Variants in XIRP2 observed in about 807,000 individuals in gnomAD.
XIRP2 encodes the protein xin actin binding repeat containing 2.
XIRP2 carries 236 observed loss-of-function variants against 277.0 expected under a neutral mutation model. The observed-to-expected ratio is 0.85, with a 90% CI of 0.77 to 0.95. The LOEUF (loss-of-function observed/expected upper bound fraction) is 0.95. Ranked by LOEUF, XIRP2 falls within the 40% of genes least tolerant of loss-of-function variation. The probability of loss-of-function intolerance (pLI) is 0.00; values close to 1 mark genes in which losing one functional copy is unlikely to be tolerated. For missense variants in XIRP2, 4,640 were observed against 4,157.5 expected (o/e 1.12, Z -3.19); for synonymous variants, 1,490 against 1,416.5 (o/e 1.05, Z -1.17).
At chr2:167,178,399 A>G (rs1394722788) in intron 3 of XIRP2, among the ~76,000 whole-genome samples, 1 of 152,150 alleles carries the variant, frequency 6.6e-6, no homozygotes, top group Non-Finnish European at 1.5e-5. Context: ...TTTGAAATGA[A>G]GTATAATGTG....
At chr2:167,122,243 A>G (rs1248154304) in intron 2 of XIRP2, among the ~76,000 whole-genome samples, 1 of 152,198 alleles carries the variant, frequency 6.6e-6, no homozygotes, top group African/African-American at 2.4e-5. Flanking sequence ...AATGTTGGAC[A>G]TACGAGTTTT....
At chr2:167,214,130 GAAGGAAGC>G (rs1466575375) in intron 4 of XIRP2, among the ~76,000 whole-genome samples, 6 of 112,782 alleles carry the variant, frequency 5.3e-5, no homozygotes, top group Admixed American at 2.5e-4. Context: ...AGGAAGGAAG[GAAGGAAGC>G]AAAGAGAAAG....
chr2:167,200,891 C>A (rs1345004168), intron 3 of XIRP2, among the ~76,000 whole-genome samples: 2 of 151,626 alleles, frequency 1.3e-5, no homozygotes, highest in Non-Finnish European at 2.9e-5. Flanking sequence ...ATGGGGAGGC[C>A]AAGGCAGCTG....
At chr2:167,141,054 G>A (rs1365669547) in intron 3 of XIRP2, 3 of 152,158 alleles carry the variant, frequency 2.0e-5, no homozygotes, top group South Asian at 2.1e-4. Flanking sequence ...CAAAATCCCA[G>A]GAACTCATTT....
intron 2 of XIRP2, among the ~76,000 whole-genome samples, chr2:167,077,690 C>G (rs1331106898): frequency 6.6e-6 from 1 of 152,102 alleles, no homozygotes; most frequent in Non-Finnish European, 1.5e-5. Context: ...TACAGAACAG[C>G]AAGTGCTAAG....
rs181960405 is a variant in XIRP2 at position 167,221,005 on chromosome 2, C to T, written c.858+2705C>T. ...CTTCTCTAAACTTCAGTTTCATTAT[C>T]TACTTTTAGATAATGTTAATAATAT... On this transcript the variant is annotated intron_variant, in intron 5 of 10. Coordinates refer to ENST00000409195, the MANE Select transcript of XIRP2 (RefSeq NM_152381.6). Among the ~76,000 whole-genome samples the T allele has an allele frequency of 4.7e-3, 714 of 152,266 alleles. 4 individuals are homozygous for T. Among genetic ancestry groups the T allele is most frequent in the South Asian group, 0.013 (64 of 4,830 alleles).
intron 2 of XIRP2, among the ~76,000 whole-genome samples, chr2:166,986,102 C>A (rs749610945): frequency 3.3e-5 from 5 of 152,174 alleles, no homozygotes; most frequent in Non-Finnish European, 5.9e-5. Flanking sequence ...TTCTCTACCT[C>A]TGACAGAGGA....
intron 5 of XIRP2, among the ~76,000 whole-genome samples, chr2:167,234,981 TTGTTTAGCATCATGAATA>T (rs2105422516): frequency 6.6e-6 from 1 of 151,968 alleles, no homozygotes; most frequent in East Asian, 1.9e-4. Flanking sequence ...AGAAACGAGT[TTGTTTAGCATCATGAATA>T]TCTTTTTCTT....
Position 167,242,634 on chromosome 2 carries a change from C to A in XIRP2, c.1242C>A (p.Cys414Ter). 6.2e-7 allele frequency: 1 copy of A among 1,614,014 alleles called. No homozygotes were observed. Among genetic ancestry groups the A allele is most frequent in the Non-Finnish European group, 8.5e-7 (1 of 1,179,954 alleles). The change falls in exon 9 of 11, where the codon TGC becomes TGA. Residue 414 changes from cysteine (C) to a stop codon, truncating the protein, a stop_gained. Transcript: ENST00000409195. LOFTEE classifies it high-confidence loss of function. Reference protein sequence around the residue: ...SSVVSTSSTSCVSTSQRKETS... With the variant: ...SSVVSTSSTS The stretch of plus-strand genomic sequence containing the variant: ...TTGTGAGTACCTCTTCCACTTCTTG[C>A]GTTTCAACCAGCCAGAGGAAGGAAA...
Position 167,246,783 on chromosome 2 carries a change from T to C in XIRP2, c.5391T>C (p.Ser1797=), listed in dbSNP as rs1016127102. The C allele has an allele frequency of 3.1e-6, 5 of 1,613,884 alleles. No homozygotes were observed. The highest frequency in any genetic ancestry group is 4.2e-6 in the Non-Finnish European group (5 of 1,179,844). Residue 1797 remains serine (S), a synonymous_variant, in exon 9 of 11, where the codon TCT becomes TCC. Transcript: ENST00000409195. ...GTKLLLKKRQ[S]LVERTVSETD... The stretch of plus-strand genomic sequence containing the variant: ...AACTGTTACTGAAGAAAAGGCAGTC[T>C]CTGGTTGAACGTACTGTTAGTGAAA...
chr2:166,905,993 T>A (rs1305348625), intron 2 of XIRP2, among the ~76,000 whole-genome samples: 1 of 152,028 alleles, frequency 6.6e-6, no homozygotes, highest in African/African-American at 2.4e-5. Flanking sequence ...TGCTTCATTA[T>A]AAAGTCATGA....
intron 3 of XIRP2, among the ~76,000 whole-genome samples, chr2:167,164,981 C>T (rs7606695): frequency 0.099 from 15,048 of 152,070 alleles, 798 homozygotes; most frequent in South Asian, 0.16. Flanking sequence ...TCTTTATATC[C>T]TGCCTGTTTA....
intron 3 of XIRP2, among the ~76,000 whole-genome samples, chr2:167,165,288 T>A (rs888859181): frequency 6.6e-6 from 1 of 152,242 alleles, no homozygotes; most frequent in Non-Finnish European, 1.5e-5. Flanking sequence ...GGCAATCATA[T>A]GTAAACCTGC....
chr2:167,246,879 T>A lies in XIRP2; in HGVS notation c.5487T>A (p.Gly1829=). The change falls in exon 9 of 11, where the codon GGT becomes GGA. Residue 1829 remains glycine (G), a synonymous_variant. Transcript: ENST00000409195. ...VFMTEPQSTF[G]KIPKEEIIKG... Reference sequence around the variant, plus strand: ...TGACCGAGCCTCAGAGTACATTTGGTAAGATACCCAAAGAAGAGATTATAA... The same window carrying A: ...TGACCGAGCCTCAGAGTACATTTGGAAAGATACCCAAAGAAGAGATTATAA... 6.2e-7 allele frequency: 1 copy of A among 1,613,582 alleles called. No individual in the cohort carries two copies. The highest frequency in any genetic ancestry group is 1.1e-5 in the South Asian group (1 of 91,060).
chr2:167,138,244 TATAAA>T (rs1368714807), intron 3 of XIRP2, among the ~76,000 whole-genome samples: 4 of 152,334 alleles, frequency 2.6e-5, no homozygotes, highest in East Asian at 1.9e-4. Flanking sequence ...AAATTACACT[TATAAA>T]AGATAATTTA....
chr2:167,118,523 A>ATAAAATAAAATAAAG (rs1165454663), intron 2 of XIRP2, among the ~76,000 whole-genome samples: 1 of 149,036 alleles, frequency 6.7e-6, no homozygotes, highest in African/African-American at 2.5e-5. Context: ...ATAAAATAAA[A>ATAAAATAAAATAAAG]TAAAATAAAA....
rs76558646 is a variant in XIRP2, at chr2:166,961,765, G to A, written c.408+57875G>A. ...ATATTTTTTACCTTCCTCGCATGGAGTGGAATTCTAATTTACCTGAAATGT... is the reference window on the plus strand; with the variant it reads ...ATATTTTTTACCTTCCTCGCATGGAATGGAATTCTAATTTACCTGAAATGT... On this transcript the variant is annotated intron_variant, in intron 2 of 10. Coordinates refer to ENST00000409195, the MANE Select transcript of XIRP2 (RefSeq NM_152381.6). Among the ~76,000 whole-genome samples the A allele has an allele frequency of 6.4e-3, 969 of 151,810 alleles. 14 individuals are homozygous for A. Among genetic ancestry groups the A allele is most frequent in the African/African-American group, 0.022 (920 of 41,496 alleles).
At chr2:167,042,525 C>T (rs763397167) in intron 2 of XIRP2, among the ~76,000 whole-genome samples, 5 of 151,608 alleles carry the variant, frequency 3.3e-5, no homozygotes, top group African/African-American at 4.8e-5. Flanking sequence ...ATGAAACGAA[C>T]GAACAAACAA....
intron 2 of XIRP2, among the ~76,000 whole-genome samples, chr2:166,913,924 C>T (rs957061391): frequency 2.0e-5 from 3 of 152,184 alleles, no homozygotes; most frequent in African/African-American, 4.8e-5. Flanking sequence ...TAAGTGACTA[C>T]TCTGGTGATA....
Sources: gnomAD v4.1 joint callset for allele counts (sites outside exome capture counted in the v4.1 genomes callset) on GRCh38, gnomAD v4.1.1 for gene constraint, MANE v1.5 for transcripts, NCBI Gene and HGNC (gene_info 2026-07-23, HGNC 2026-07-21) for gene names.